FRMPD4: variants seen among roughly 807,000 people sequenced by gnomAD.
The protein encoded by FRMPD4 is FERM and PDZ domain-containing protein 4.
Under a neutral mutation model 94.1 loss-of-function variants are expected in FRMPD4, and 22 were observed. The ratio of observed to expected loss-of-function variants is 0.23; its 90% CI spans 0.17 to 0.33. The LOEUF (loss-of-function observed/expected upper bound fraction) is 0.33. Among genes scored for constraint, FRMPD4 ranks in the 10% least tolerant of loss-of-function variants. FRMPD4 has a pLI of 1.00. For missense variants in FRMPD4, 1,111 were observed against 1,339.9 expected (o/e 0.83, Z 2.67); for synonymous variants, 631 against 548.6 (o/e 1.15, Z -2.10).
At chrX:11,989,102 T>A (rs2054449638) in intron 3 of FRMPD4, among the ~76,000 whole-genome samples, 1 of 111,901 alleles carries the variant, frequency 8.9e-6, no homozygotes, top group South Asian at 3.7e-4. Flanking sequence ...ATCCCACTAC[T>A]GGGTATATAC....
At chrX:12,455,765 G>A (rs1281518116) in intron 1 of FRMPD4, among the ~76,000 whole-genome samples, 2 of 112,058 alleles carry the variant, frequency 1.8e-5, no homozygotes, top group African/African-American at 3.2e-5. Context: ...GGAAAGGACT[G>A]GAGTGCTGCC....
At chrX:12,485,424 G>A (rs1314739907) in intron 1 of FRMPD4, among the ~76,000 whole-genome samples, 1 of 111,603 alleles carries the variant, frequency 9.0e-6, no homozygotes, top group Non-Finnish European at 1.9e-5. Context: ...ATAAGGTAGG[G>A]GCTTCAAGGG....
intron 3 of FRMPD4, among the ~76,000 whole-genome samples, chrX:11,931,275 T>C (rs2054121068): frequency 8.9e-6 from 1 of 111,976 alleles, no homozygotes; most frequent in South Asian, 3.7e-4. Context: ...ACCCCAAAAC[T>C]TAGTGGCTTA....
chrX:12,672,177 A>G (rs1181101058), intron 4 of FRMPD4, among the ~76,000 whole-genome samples: 1 of 111,956 alleles, frequency 8.9e-6, no homozygotes, highest in Non-Finnish European at 1.9e-5. Flanking sequence ...GTAATCCAGC[A>G]TTACTTTCTT....
chrX:12,266,468 G>A (rs1353623299), intron 1 of FRMPD4, among the ~76,000 whole-genome samples: 1 of 111,424 alleles, frequency 9.0e-6, no homozygotes, highest in Non-Finnish European at 1.9e-5. Context: ...AGAAGTGCAA[G>A]AGAGCAAATG....
At chrX:12,449,639 T>C (rs2057240862) in intron 1 of FRMPD4, among the ~76,000 whole-genome samples, 1 of 112,114 alleles carries the variant, frequency 8.9e-6, no homozygotes, top group African/African-American at 3.2e-5. Context: ...AGTTTGTCTC[T>C]TGCCTTCATC....
intron 1 of FRMPD4, among the ~76,000 whole-genome samples, chrX:12,297,305 T>C (rs968500693): frequency 8.9e-6 from 1 of 112,635 alleles, no homozygotes; most frequent in African/African-American, 3.2e-5. Context: ...TCACAGACTA[T>C]GTAATTTATA....
intron 3 of FRMPD4, among the ~76,000 whole-genome samples, chrX:12,015,146 T>C (rs1175788680): frequency 9.0e-6 from 1 of 111,474 alleles, no homozygotes; most frequent in African/African-American, 3.3e-5. Context: ...GATTGATCTT[T>C]ATGTAGACTA....
intron 3 of FRMPD4, among the ~76,000 whole-genome samples, chrX:12,050,170 G>A (rs771593017): frequency 9.0e-6 from 1 of 111,523 alleles, no homozygotes; most frequent in African/African-American, 3.2e-5. Flanking sequence ...AATGTCCCAG[G>A]ATTTCACATT....
chrX:12,350,120 C>T (rs2055778554), intron 1 of FRMPD4, among the ~76,000 whole-genome samples: 2 of 110,960 alleles, frequency 1.8e-5, no homozygotes, highest in African/African-American at 3.3e-5. Context: ...AAGGTAACTA[C>T]TAGAAGACCA....
intron 1 of FRMPD4, among the ~76,000 whole-genome samples, chrX:12,400,405 G>A (rs2056595144): frequency 8.9e-6 from 1 of 112,095 alleles, no homozygotes; most frequent in African/African-American, 3.2e-5. Flanking sequence ...TACGGGAGGA[G>A]TATTCATTTC....
intron 1 of FRMPD4, among the ~76,000 whole-genome samples, chrX:12,433,944 C>A (rs1019536502): frequency 3.6e-5 from 4 of 111,433 alleles, no homozygotes; most frequent in African/African-American, 1.3e-4. Context: ...TCTTCCCGGT[C>A]AGTAAAACTT....
intron 2 of FRMPD4, among the ~76,000 whole-genome samples, chrX:12,521,501 C>T (rs113622353): frequency 8.9e-6 from 1 of 112,226 alleles, no homozygotes; most frequent in African/African-American, 3.2e-5. Context: ...TAATAATTCT[C>T]CTCCTCCACC....
intron 1 of FRMPD4, among the ~76,000 whole-genome samples, chrX:12,466,706 G>GA (rs1311811143): frequency 8.9e-6 from 1 of 112,159 alleles, no homozygotes; most frequent in Non-Finnish European, 1.9e-5. Flanking sequence ...GAGGGACACA[G>GA]AAAAGACGTT....
chrX:12,537,756 A>G, intron 2 of FRMPD4, among the ~76,000 whole-genome samples: 1 of 108,674 alleles, frequency 9.2e-6, no homozygotes, highest in Non-Finnish European at 1.9e-5. Context: ...TGGCCTATAT[A>G]GTTTTTCTAT....
intron 4 of FRMPD4, among the ~76,000 whole-genome samples, chrX:12,665,542 T>A (rs1872309230): frequency 8.9e-6 from 1 of 111,874 alleles, no homozygotes; most frequent in South Asian, 3.8e-4. Context: ...GATTCATTGG[T>A]TTGTGAAGGG....
chrX:12,715,474 C>T (rs911344635), intron 14 of FRMPD4, among the ~76,000 whole-genome samples: 1 of 111,991 alleles, frequency 8.9e-6, no homozygotes, highest in African/African-American at 3.2e-5. Flanking sequence ...AATATTTTAA[C>T]ATCCACTAGG....
At chrX:12,363,960 GT>G (rs2056036180) in intron 1 of FRMPD4, among the ~76,000 whole-genome samples, 1 of 111,544 alleles carries the variant, frequency 9.0e-6, no homozygotes, top group Non-Finnish European at 1.9e-5. Context: ...GCTTTTCTAA[GT>G]TTCATTCAAA....
At chrX:12,631,579 G>A (rs755649153) in intron 4 of FRMPD4, among the ~76,000 whole-genome samples, 22 of 107,306 alleles carry the variant, frequency 2.1e-4, no homozygotes, top group Non-Finnish European at 2.9e-4. Flanking sequence ...GGTGTGTGAT[G>A]TTCCCCTCCC....
Sources: gnomAD v4.1 joint callset for allele counts (sites outside exome capture counted in the v4.1 genomes callset) on GRCh38, gnomAD v4.1.1 for gene constraint, MANE v1.5 for transcripts, NCBI Gene and HGNC (gene_info 2026-07-23, HGNC 2026-07-21) for gene names.